FBXO21: variants seen among roughly 807,000 people sequenced by gnomAD.
FBXO21 encodes F-box only protein 21.
FBXO21 carries 32 observed loss-of-function variants against 76.6 expected under a neutral mutation model. The ratio of observed to expected loss-of-function variants is 0.42; its 90% CI spans 0.32 to 0.56. FBXO21 has a LOEUF of 0.56. FBXO21 is among the 20% of genes least tolerant of loss of function. The pLI is 0.16. For missense variants in FBXO21, 586 were observed against 797.3 expected, an observed-to-expected ratio of 0.73 and a Z score of 3.19; for synonymous variants, 328 against 311.5, an observed-to-expected ratio of 1.05 and a Z score of -0.56.
At position 117,158,846 on chromosome 12, in the gene FBXO21, T is replaced by C. The variant is rs557173340; in HGVS notation, c.1327-783A>G. 4.6e-5 allele frequency among the ~76,000 whole-genome samples: 7 copies of C among 152,314 alleles called. No individual in the cohort carries two copies. In the South Asian group the frequency reaches 1.5e-3, roughly 32 times the overall value. ...GCCTCTACTGCACACAGTGCCTCTG[T>C]GGAAAAAACTCCACGTTTAAAAAGA... On this transcript the variant is annotated intron_variant, in intron 9 of 11. Coordinates refer to ENST00000622495, the MANE Select transcript of FBXO21 (RefSeq NM_015002.3).
chr12:117,145,976 G>C lies in FBXO21; in HGVS notation c.*111C>G. On this transcript the variant is annotated 3_prime_UTR_variant, in exon 12 of 12. Coordinates refer to ENST00000622495, the MANE Select transcript of FBXO21 (RefSeq NM_015002.3). The stretch of plus-strand genomic sequence containing the variant: ...AGGCAACCAGCACTACTGGTGGAGT[G>C]GCTTTCCTGGTGCAGCAGGTCCCGA... 1 of 790,480 alleles carries C rather than the reference G, an allele frequency of 1.3e-6. No homozygotes were observed. The highest frequency in any genetic ancestry group is 2.0e-6 in the Non-Finnish European group (1 of 508,106). The allele number at this position is 790,480 out of a possible 1,614,324, so 49.0% of individuals were successfully genotyped here.
intron 3 of FBXO21, among the ~76,000 whole-genome samples, chr12:117,178,557 C>A (rs561952908): frequency 6.6e-6 from 1 of 152,210 alleles, no homozygotes; most frequent in South Asian, 2.1e-4. Flanking sequence ...GTCTCTTGAA[C>A]TCTCGCCCCA....
intron 10 of FBXO21, among the ~76,000 whole-genome samples, chr12:117,156,762 A>G (rs1955920576): frequency 6.6e-6 from 1 of 152,246 alleles, no homozygotes; most frequent in South Asian, 2.1e-4. Flanking sequence ...AAAAAATGCA[A>G]TAAAGAATGA....
Position 117,173,653 on chromosome 12 carries a change from G to C in FBXO21, c.876+552C>G, listed in dbSNP as rs147008811. Among the ~76,000 whole-genome samples the C allele has an allele frequency of 7.5e-4, 115 of 152,354 alleles. 1 individual carries two copies. In the East Asian group the frequency reaches 9.1e-3, roughly 12 times the overall value. ...TCACAAGATACAAACTGACCAAACA[G>C]AGTCAGAGAAATATCTATTTTTAGT... On this transcript the variant is annotated intron_variant, in intron 6 of 11. Coordinates refer to ENST00000622495, the MANE Select transcript of FBXO21 (RefSeq NM_015002.3).
chr12:117,184,414 C>T (rs1956263261), intron 3 of FBXO21, among the ~76,000 whole-genome samples: 1 of 152,104 alleles, frequency 6.6e-6, no homozygotes, highest in South Asian at 2.1e-4. Context: ...AACATCACTC[C>T]TCACAGTGAC....
At chr12:117,189,755 A>C (rs1956325388) in intron 1 of FBXO21, among the ~76,000 whole-genome samples, 1 of 152,142 alleles carries the variant, frequency 6.6e-6, no homozygotes, top group South Asian at 2.1e-4. Flanking sequence ...TCTATGAACG[A>C]GGCTCAAAAA....
At position 117,157,927 on chromosome 12, in the gene FBXO21, T is replaced by G; in HGVS notation, c.1463A>C (p.Asp488Ala). The change falls in exon 10 of 12, where the codon GAT (aspartate) becomes GCT (alanine). Residue 488 changes from aspartate to alanine, a missense_variant. Asp to Ala is a moderately radical substitution (Grantham distance 126). This residue lies in a region of FBXO21 where 164 missense variants were observed against 236.7 expected (regional missense o/e 0.69). Transcript: ENST00000622495. Reference protein sequence around the residue: ...EVGVEVKLRSDEKHRDVCYSI... With the variant: ...EVGVEVKLRSAEKHRDVCYSI... ...GTAGCAGACATCTCTGTGCTTCTCA[T>G]CGGAGCGCAGCTTCACCTCTACGCC... 6.2e-7 allele frequency: 1 copy of G among 1,613,968 alleles called. No homozygotes were observed. Among genetic ancestry groups the G allele is most frequent in the Non-Finnish European group, 8.5e-7 (1 of 1,179,928 alleles).
intron 9 of FBXO21, among the ~76,000 whole-genome samples, chr12:117,164,110 A>T (rs1956019484): frequency 1.3e-5 from 2 of 151,708 alleles, no homozygotes; most frequent in African/African-American, 2.4e-5. Flanking sequence ...AAAAAAAAAA[A>T]AAATTAAAAT....
chr12:117,165,852 T>C (rs1956047862), intron 8 of FBXO21, among the ~76,000 whole-genome samples: 2 of 152,166 alleles, frequency 1.3e-5, no homozygotes, highest in Admixed American at 1.3e-4. Flanking sequence ...ATCAGAAGCA[T>C]TTTTACTAAG....
At chr12:117,171,763 T>C (rs1427142893) in intron 7 of FBXO21, among the ~76,000 whole-genome samples, 1 of 152,208 alleles carries the variant, frequency 6.6e-6, no homozygotes, top group Non-Finnish European at 1.5e-5. Context: ...GATCAGGACA[T>C]AGGTAAATAA....
Position 117,172,623 on chromosome 12 carries a change from T to C in FBXO21, c.877-16A>G. The C allele has an allele frequency of 1.2e-6, 2 of 1,608,184 alleles. No homozygotes were observed. The highest frequency in any genetic ancestry group is 1.7e-6 in the Non-Finnish European group (2 of 1,175,168). On this transcript the variant is annotated splice_polypyrimidine_tract_variant and intron_variant, in intron 6 of 11. Transcript: ENST00000622495. ...GAATCAAAACCTAAAGCAGAAAAAA[T>C]GCTTTTATTTCACTGGGATGAACTA...
Position 117,184,365 on chromosome 12 carries a change from T to C in FBXO21, c.470+2112A>G, listed in dbSNP as rs535677305. Among the ~76,000 whole-genome samples, 5 of 152,256 alleles carry C rather than the reference T, an allele frequency of 3.3e-5. No homozygotes were observed. In the South Asian group the frequency reaches 6.2e-4, roughly 19 times the overall value. On this transcript the variant is annotated intron_variant, in intron 3 of 11. Coordinates refer to ENST00000622495, the MANE Select transcript of FBXO21 (RefSeq NM_015002.3). ...TGTCTTTCAATAACATCCTATAGTC[T>C]GAACTGGGAAACCCATTCCCAGGAC...
rs1483582918 is a variant in FBXO21 at position 117,146,080 on chromosome 12, C to T, written c.*7G>A. 1 of 1,581,964 alleles carries T rather than the reference C, an allele frequency of 6.3e-7. No individual in the cohort carries two copies. The highest frequency in any genetic ancestry group is 1.4e-5 in the African/African-American group (1 of 73,660). ...CAGCAGCAAAGGTGCAATGTCCTCT[C>T]TAGACTTTACTCATCTATGTTCTCT... On this transcript the variant is annotated 3_prime_UTR_variant, in exon 12 of 12. Transcript: ENST00000622495.
At chr12:117,174,043 G>A (rs773992868) in intron 6 of FBXO21, among the ~76,000 whole-genome samples, 162 bp downstream of exon 6, 12 of 152,002 alleles carry the variant, frequency 7.9e-5, no homozygotes, top group African/African-American at 1.7e-4. Context: ...AGGGTGCGGC[G>A]GCAAGATCGC....
chr12:117,147,746 G>C (rs1485468527), intron 11 of FBXO21, among the ~76,000 whole-genome samples: 1 of 152,182 alleles, frequency 6.6e-6, no homozygotes, highest in African/African-American at 2.4e-5. Flanking sequence ...GCCCACGGAG[G>C]CCTGGCCTAA....
Position 117,174,272 on chromosome 12 carries a change from T to G in FBXO21, c.809A>C (p.Tyr270Ser), listed in dbSNP as rs1185397628. ...ATTCCCCTTGAACTTCAGTTGGTCG[T>G]AAAGGACATAGTTCATGGCATCCAG... ...QVLDAMNYVL[Y>S]DQLKFKGNRM... The change falls in exon 6 of 12, where the codon TAC becomes TCC. Residue 270 changes from tyrosine (Y) to serine (S), a missense_variant. By Grantham distance (144) the Tyr-to-Ser change is moderately radical (BLOSUM62 -2). This residue lies in a region of FBXO21 where 246 missense variants were observed against 356.8 expected (regional missense o/e 0.69). Transcript: ENST00000622495. 6.2e-7 allele frequency: 1 copy of G among 1,613,706 alleles called. No homozygotes were observed.
intron 3 of FBXO21, among the ~76,000 whole-genome samples, chr12:117,184,149 T>C (rs1956260977): frequency 6.6e-6 from 1 of 151,940 alleles, no homozygotes; most frequent in Non-Finnish European, 1.5e-5. Context: ...TAGTCTTCTG[T>C]ATATATTTTA....
intron 9 of FBXO21, among the ~76,000 whole-genome samples, chr12:117,164,291 T>C (rs1306877402): frequency 1.9e-4 from 28 of 149,888 alleles, no homozygotes; most frequent in African/African-American, 6.6e-4. Context: ...TTTTTTTTTT[T>C]TTTGAGACAG....
intron 1 of FBXO21, among the ~76,000 whole-genome samples, chr12:117,189,683 G>A (rs1379830850): frequency 6.6e-6 from 1 of 151,872 alleles, no homozygotes; most frequent in African/African-American, 2.4e-5. Context: ...CGTGCCTCCC[G>A]GACATCATCT....
Sources: allele counts gnomAD v4.1 joint callset (sites outside exome capture counted in the v4.1 genomes callset), GRCh38; gene constraint gnomAD v4.1.1; regional missense constraint gnomAD v4.1.1; transcripts MANE v1.5; gene names NCBI Gene and HGNC (gene_info 2026-07-23, HGNC 2026-07-21).